The following VAV2 variants were observed in gnomAD, a reference collection of about 807,000 sequenced individuals.
The protein encoded by VAV2 is vav guanine nucleotide exchange factor 2.
A neutral mutation model predicts 132.5 loss-of-function variants in VAV2; 67 were observed. The ratio of observed to expected loss-of-function variants is 0.51; its 90% confidence interval spans 0.42 to 0.62. The LOEUF (loss-of-function observed/expected upper bound fraction) is 0.62, where lower values mean the gene tolerates loss of function less well. Ranked by LOEUF, VAV2 falls within the 20% of genes least tolerant of loss-of-function variation. The probability of loss-of-function intolerance (pLI) is 0.00; values close to 1 mark genes in which losing one functional copy is unlikely to be tolerated. For synonymous variants in VAV2, 492 were observed against 443.5 expected (o/e 1.11, Z -1.37); for missense variants, 938 against 1,153.6 (o/e 0.81, Z 2.71).
At chr9:133,887,747 C>A (rs1276243279) in intron 2 of VAV2, among the ~76,000 whole-genome samples, 2 of 152,104 alleles carry the variant, frequency 1.3e-5, no homozygotes, top group Admixed American at 6.5e-5. Flanking sequence ...CCTGACACGG[C>A]GATCAGCGAG....
At chr9:133,799,907 G>A (rs575572026) in intron 9 of VAV2, among the ~76,000 whole-genome samples, 10 of 152,202 alleles carry the variant, frequency 6.6e-5, no homozygotes, top group South Asian at 2.1e-4. Context: ...CCCGGCGGCC[G>A]CCTGCACCTG....
rs1481354697 is a variant in VAV2, at chr9:133,787,280, G to C, written c.1408-20C>G. 1 of 1,580,248 alleles carries C rather than the reference G, an allele frequency of 6.3e-7. No homozygotes were observed. The highest frequency in any genetic ancestry group is 1.4e-5 in the African/African-American group (1 of 73,892). On this transcript the variant is annotated intron_variant, in intron 15 of 29. Coordinates refer to ENST00000371850, the MANE Select transcript of VAV2 (RefSeq NM_001134398.2). ...GTGAGACTAGGAAGCATGGAGAGGA[G>C]AGGAAGGGGAAGACGGTCAGTGAGA...
At chr9:133,820,667 G>A (rs1392917824) in intron 4 of VAV2, among the ~76,000 whole-genome samples, 1 of 152,178 alleles carries the variant, frequency 6.6e-6, no homozygotes, top group African/African-American at 2.4e-5. Flanking sequence ...CACACGGCCA[G>A]TCTCAGTCAC....
chr9:133,836,251 G>C (rs1026786873), intron 3 of VAV2, among the ~76,000 whole-genome samples: 1 of 152,188 alleles, frequency 6.6e-6, no homozygotes, highest in East Asian at 1.9e-4. Flanking sequence ...AGGAGCACGT[G>C]GGGGGCCAGG....
chr9:133,811,419 G>A (rs1410177367), intron 5 of VAV2, among the ~76,000 whole-genome samples: 1 of 152,216 alleles, frequency 6.6e-6, no homozygotes, highest in Non-Finnish European at 1.5e-5. Context: ...GGAAGCCAAT[G>A]GCATCAAAAG....
chr9:133,767,712 G>A (rs1833482958), intron 29 of VAV2, among the ~76,000 whole-genome samples: 1 of 152,218 alleles, frequency 6.6e-6, no homozygotes, highest in African/African-American at 2.4e-5. Context: ...CAATGGAAGG[G>A]TCAGCACTGG....
chr9:133,816,880 G>T (rs148349519), intron 4 of VAV2, among the ~76,000 whole-genome samples: 1 of 152,270 alleles, frequency 6.6e-6, no homozygotes, highest in African/African-American at 2.4e-5. Context: ...TAACACTTCT[G>T]TGTCTTGATA....
chr9:133,882,831 CA>C (rs1838552634), intron 2 of VAV2, among the ~76,000 whole-genome samples: 1 of 151,946 alleles, frequency 6.6e-6, no homozygotes, highest in Non-Finnish European at 1.5e-5. Context: ...TGAACCCCTG[CA>C]GCAGAGGCAG....
At chr9:133,866,461 G>A (rs542065389) in intron 2 of VAV2, among the ~76,000 whole-genome samples, 8 of 152,206 alleles carry the variant, frequency 5.3e-5, no homozygotes, top group Admixed American at 5.2e-4. Context: ...GTGAGGACAC[G>A]CCTACTCAAC....
At chr9:133,890,938 GGCAAGGACCT>G (rs1838906794) in intron 2 of VAV2, among the ~76,000 whole-genome samples, 1 of 152,110 alleles carries the variant, frequency 6.6e-6, no homozygotes, top group Non-Finnish European at 1.5e-5. Context: ...CCTGCAAACT[GGCAAGGACCT>G]GCCACCTTTC....
At chr9:133,771,877 A>G (rs1256919026) in intron 26 of VAV2, 82 bp downstream of exon 26, 2 of 1,303,214 alleles carry the variant, frequency 1.5e-6, no homozygotes, top group Non-Finnish European at 2.2e-6. Flanking sequence ...CACAGAAAAC[A>G]TGGCCACTCG....
In VAV2 at chr9:133,950,944, G is replaced by A. The variant is rs118153129; in HGVS notation, c.205-11725C>T. 1.6e-4 allele frequency among the ~76,000 whole-genome samples: 24 copies of A among 152,260 alleles called. No homozygotes were observed. The East Asian group carries it at 3.3e-3, about 21-fold the overall frequency. Reference sequence around the variant, plus strand: ...CTCCAGACGGACCCAAGCAGAGGGCGCGATTCTTCCCGTTCCCCCACCACC... The same window carrying A: ...CTCCAGACGGACCCAAGCAGAGGGCACGATTCTTCCCGTTCCCCCACCACC... On this transcript the variant is annotated intron_variant, in intron 1 of 29. Coordinates refer to ENST00000371850, the MANE Select transcript of VAV2 (RefSeq NM_001134398.2).
chr9:133,875,407 T>C (rs554171846), intron 2 of VAV2, among the ~76,000 whole-genome samples: 1 of 152,320 alleles, frequency 6.6e-6, no homozygotes, highest in African/African-American at 2.4e-5. Context: ...AAGGAGCTCA[T>C]CAGGCAGAGG....
At chr9:133,852,124 T>C (rs1837212603) in intron 3 of VAV2, among the ~76,000 whole-genome samples, 1 of 151,496 alleles carries the variant, frequency 6.6e-6, no homozygotes, top group African/African-American at 2.4e-5. Context: ...GATGGGTGGA[T>C]GGGTGGCTTG....
intron 2 of VAV2, among the ~76,000 whole-genome samples, chr9:133,866,828 G>C (rs2131885596): frequency 6.6e-6 from 1 of 151,226 alleles, no homozygotes; most frequent in Middle Eastern, 3.4e-3. Context: ...AAAAAGAGGA[G>C]CCTGCCAATT....
Position 133,788,235 on chromosome 9 carries a change from C to CCGCCCCCCAA in VAV2, c.1407+118_1407+119insTTGGGGGGCG. On this transcript the variant is annotated intron_variant, in intron 15 of 29. Transcript: ENST00000371850. This position sits in a 1 kb window ranked among gnomAD's most constrained non-coding sequence, Gnocchi z 5.3. The stretch of plus-strand genomic sequence containing the variant: ...CAGAGCGGAGACGCCCACCCCAACC[C>CCGCCCCCCAA]ACCCGGCCAGCATCAGCGGCTGACT... The CCGCCCCCCAA allele has an allele frequency of 4.0e-6, 4 of 998,872 alleles. No individual in the cohort carries two copies. The highest frequency in any genetic ancestry group is 5.9e-6 in the Non-Finnish European group (4 of 680,472). The allele number at this position is 998,872 out of a possible 1,614,324, so 61.9% of individuals were successfully genotyped here.
chr9:133,813,210 C>T (rs1234608903), intron 4 of VAV2, among the ~76,000 whole-genome samples: 5 of 152,370 alleles, frequency 3.3e-5, no homozygotes, highest in African/African-American at 1.2e-4. Flanking sequence ...CTCACCCCTG[C>T]ACAAGGACAC....
intron 2 of VAV2, among the ~76,000 whole-genome samples, chr9:133,911,904 A>G (rs1487263113): frequency 3.9e-5 from 6 of 152,250 alleles, no homozygotes; most frequent in Non-Finnish European, 4.4e-5. Flanking sequence ...TGCCCAGGCC[A>G]AGAAAGTAAG....
chr9:133,870,629 G>C (rs1223998992), intron 2 of VAV2, among the ~76,000 whole-genome samples: 1 of 152,114 alleles, frequency 6.6e-6, no homozygotes, highest in Non-Finnish European at 1.5e-5. Flanking sequence ...CCGAATCTTT[G>C]TGTCTTACAC....
Sources: gnomAD v4.1 joint callset for allele counts (sites outside exome capture counted in the v4.1 genomes callset) on GRCh38, gnomAD v4.1.1 for gene constraint, Gnocchi (gnomAD v3.1) non-coding constraint, MANE v1.5 for transcripts, NCBI Gene and HGNC (gene_info 2026-07-23, HGNC 2026-07-21) for gene names.